NCALD: variants seen among roughly 807,000 people sequenced by gnomAD.
NCALD encodes the protein neurocalcin-delta.
Under a neutral mutation model 18.6 loss-of-function variants are expected in NCALD, and 10 were observed. The ratio of observed to expected loss-of-function variants is 0.54; its 90% confidence interval spans 0.33 to 0.91. NCALD has a LOEUF of 0.91. Among genes scored for constraint, NCALD ranks in the 40% least tolerant of loss-of-function variants. The pLI is 0.03. For missense variants in NCALD, 184 were observed against 247.6 expected (o/e 0.74, Z 1.72); for synonymous variants, 88 against 87.4 (o/e 1.01, Z -0.04).
At chr8:101,931,622 T>C (rs1193895082) in intron 2 of NCALD, among the ~76,000 whole-genome samples, 1 of 151,876 alleles carries the variant, frequency 6.6e-6, no homozygotes, top group Non-Finnish European at 1.5e-5. Flanking sequence ...TCCTTTTTTT[T>C]TTCCTGTTTC....
chr8:102,050,869 T>A (rs1823430562), intron 1 of NCALD, among the ~76,000 whole-genome samples: 1 of 146,712 alleles, frequency 6.8e-6, no homozygotes, highest in Non-Finnish European at 1.5e-5. Context: ...ATTTAATTAA[T>A]TTTTAATTTA....
chr8:101,687,395 G>A lies in NCALD; in HGVS notation c.*1914C>T, dbSNP rs1020109296. Reference sequence around the variant, plus strand: ...AACACAGATTTTAACACTTGGCCATGGAGGAATTTGGCAAGTTTTGGTACA... The same window carrying A: ...AACACAGATTTTAACACTTGGCCATAGAGGAATTTGGCAAGTTTTGGTACA... On this transcript the variant is annotated 3_prime_UTR_variant, in exon 4 of 4. Coordinates refer to ENST00000220931, the MANE Select transcript of NCALD (RefSeq NM_032041.3). 6.6e-6 allele frequency: 1 copy of A among 152,668 alleles called. No homozygotes were observed. Among genetic ancestry groups the A allele is most frequent in the African/African-American group, 2.4e-5 (1 of 41,456 alleles). The allele number at this position is 152,668 out of a possible 1,614,324, so 9.5% of individuals were successfully genotyped here. A position where few individuals can be genotyped will look rare whatever the true frequency, so the allele number is the denominator to read the frequency against.
At chr8:102,116,259 A>T (rs1825781843) in intron 1 of NCALD, among the ~76,000 whole-genome samples, 1 of 147,554 alleles carries the variant, frequency 6.8e-6, no homozygotes, top group Non-Finnish European at 1.5e-5. Context: ...AAGTATAATA[A>T]ACAAAAACAA....
chr8:101,725,145 A>T (rs1490455501), intron 1 of NCALD, among the ~76,000 whole-genome samples: 2 of 152,170 alleles, frequency 1.3e-5, no homozygotes, highest in Non-Finnish European at 2.9e-5. Flanking sequence ...ATGACCCTAA[A>T]TAAGAACAGT....
chr8:102,028,431 C>A (rs978765989), intron 1 of NCALD, among the ~76,000 whole-genome samples: 1 of 152,156 alleles, frequency 6.6e-6, no homozygotes, highest in African/African-American at 2.4e-5. Context: ...CTACACAATG[C>A]CCAAGTATAC....
intron 1 of NCALD, among the ~76,000 whole-genome samples, chr8:102,038,042 G>A (rs915588601): frequency 9.9e-5 from 15 of 152,070 alleles, no homozygotes; most frequent in African/African-American, 3.6e-4. Context: ...CAGTTTGCAG[G>A]AATGTAAGCT....
chr8:101,919,710 G>A, intron 2 of NCALD, among the ~76,000 whole-genome samples: 1 of 151,304 alleles, frequency 6.6e-6, no homozygotes. Context: ...AAACAAAAAG[G>A]CAAAAAATGT....
intron 4 of NCALD, among the ~76,000 whole-genome samples, chr8:101,821,876 C>G (rs1813732179): frequency 1.4e-5 from 1 of 73,920 alleles, no homozygotes; most frequent in Admixed American, 1.7e-4. Context: ...CTCTTGGGTT[C>G]TAAGTAAAAA....
chr8:101,753,936 C>T (rs1810766506), intron 1 of NCALD, among the ~76,000 whole-genome samples: 1 of 152,162 alleles, frequency 6.6e-6, no homozygotes, highest in Non-Finnish European at 1.5e-5. Flanking sequence ...TGGGTTATCT[C>T]TTATTTACAG....
chr8:102,060,172 A>G (rs1029146770), intron 1 of NCALD, among the ~76,000 whole-genome samples: 10 of 152,158 alleles, frequency 6.6e-5, no homozygotes, highest in East Asian at 3.9e-4. Flanking sequence ...CGGTACAGAC[A>G]GGGTTTCACT....
At chr8:101,856,289 C>T (rs1002319566) in intron 4 of NCALD, among the ~76,000 whole-genome samples, 3 of 152,152 alleles carry the variant, frequency 2.0e-5, no homozygotes, top group South Asian at 2.1e-4. Context: ...TCTCCCACTT[C>T]AGCCCCCAGA....
At chr8:102,024,244 C>T (rs1822379015) in intron 1 of NCALD, among the ~76,000 whole-genome samples, 1 of 152,198 alleles carries the variant, frequency 6.6e-6, no homozygotes, top group Admixed American at 6.5e-5. Flanking sequence ...AAATGTCTCT[C>T]AAACACACAC....
chr8:101,955,134 G>A (rs1007941456), intron 2 of NCALD, among the ~76,000 whole-genome samples: 10 of 152,302 alleles, frequency 6.6e-5, no homozygotes, highest in African/African-American at 2.2e-4. Context: ...TGAATAAGGC[G>A]AGAGTGAAGA....
At chr8:101,919,953 C>T (rs1315340057) in intron 2 of NCALD, among the ~76,000 whole-genome samples, 1 of 152,126 alleles carries the variant, frequency 6.6e-6, no homozygotes, top group East Asian at 1.9e-4. Context: ...ATTAGTTCAA[C>T]CCCCATAGAA....
intron 1 of NCALD, among the ~76,000 whole-genome samples, chr8:102,118,461 G>A (rs183688522): frequency 6.6e-6 from 1 of 152,346 alleles, no homozygotes; most frequent in East Asian, 1.9e-4. Flanking sequence ...CTTATGGGAT[G>A]CTGGAGGAGG....
chr8:101,943,232 C>T (rs534647705), intron 2 of NCALD, among the ~76,000 whole-genome samples: 3 of 152,264 alleles, frequency 2.0e-5, no homozygotes, highest in African/African-American at 4.8e-5. Flanking sequence ...AACAGGCACT[C>T]GAAGAGAAAA....
intron 3 of NCALD, among the ~76,000 whole-genome samples, chr8:101,908,351 G>C (rs1240952199): frequency 6.6e-6 from 1 of 151,988 alleles, no homozygotes; most frequent in Non-Finnish European, 1.5e-5. Context: ...GGTGTTGTTT[G>C]GTTTTTTTCT....
At chr8:101,925,716 C>A (rs1818313914) in intron 2 of NCALD, among the ~76,000 whole-genome samples, 1 of 152,170 alleles carries the variant, frequency 6.6e-6, no homozygotes, top group South Asian at 2.1e-4. Context: ...AACCCCATAC[C>A]TAATAGGTGC....
chr8:101,831,991 G>T (rs1814209682), intron 4 of NCALD, among the ~76,000 whole-genome samples: 1 of 152,196 alleles, frequency 6.6e-6, no homozygotes, highest in South Asian at 2.1e-4. Flanking sequence ...TGCCAGTGCA[G>T]ATAAAGGCCT....
Sources: allele counts gnomAD v4.1 joint callset (sites outside exome capture counted in the v4.1 genomes callset), GRCh38; gene constraint gnomAD v4.1.1; transcripts MANE v1.5; gene names NCBI Gene and HGNC (gene_info 2026-07-23, HGNC 2026-07-21).